Variants in CMC1 observed in about 807,000 individuals in gnomAD.
The protein encoded by CMC1 is COX assembly mitochondrial protein homolog.
A neutral mutation model predicts 14.1 loss-of-function variants in CMC1; 14 were observed. That is an observed-to-expected ratio of 0.99 (90% CI 0.66 to 1.55). The LOEUF (loss-of-function observed/expected upper bound fraction) is 1.55, where lower values mean the gene tolerates loss of function less well. CMC1 is among the 40% of genes most tolerant of loss of function. The pLI, the probability that CMC1 is intolerant of heterozygous loss-of-function variation, is 0.00. For synonymous variants in CMC1, 50 were observed against 38.4 expected (o/e 1.30, Z -1.12); for missense variants, 127 against 123.8 (o/e 1.03, Z -0.12).
intron 2 of CMC1, among the ~76,000 whole-genome samples, chr3:28,303,425 C>G (rs1702156149): frequency 6.6e-6 from 1 of 152,076 alleles, no homozygotes; most frequent in African/African-American, 2.4e-5. Flanking sequence ...AACTTATATT[C>G]TAATCAACTG....
chr3:28,276,229 T>A (rs141714850), intron 2 of CMC1, among the ~76,000 whole-genome samples: 189 of 152,246 alleles, frequency 1.2e-3, no homozygotes, highest in Middle Eastern at 6.8e-3. Flanking sequence ...CTGTTTCTAG[T>A]CAGCCATCTT....
intron 2 of CMC1, among the ~76,000 whole-genome samples, chr3:28,294,753 T>C (rs1577065097): frequency 6.6e-6 from 1 of 152,240 alleles, no homozygotes; most frequent in South Asian, 2.1e-4. Context: ...AGGAAATTTG[T>C]TTGTGTTCAT....
At chr3:28,246,209 A>G (rs1698821794) in intron 1 of CMC1, among the ~76,000 whole-genome samples, 1 of 152,128 alleles carries the variant, frequency 6.6e-6, no homozygotes, top group Non-Finnish European at 1.5e-5. Context: ...CCTAACATCT[A>G]CATTTTGTAT....
At chr3:28,289,922 CT>C (rs964297511) in intron 2 of CMC1, among the ~76,000 whole-genome samples, 6 of 152,056 alleles carry the variant, frequency 3.9e-5, no homozygotes, top group African/African-American at 1.4e-4. Flanking sequence ...ATATACACTA[CT>C]TTTTTAGTGG....
intron 1 of CMC1, among the ~76,000 whole-genome samples, chr3:28,260,555 G>GT (rs112698507): frequency 0.046 from 6,684 of 145,306 alleles, 462 homozygotes; most frequent in African/African-American, 0.15. Flanking sequence ...TAATTTCATT[G>GT]TTTTTTTTTT....
chr3:28,295,355 C>T (rs530988538), intron 2 of CMC1, among the ~76,000 whole-genome samples: 1 of 152,022 alleles, frequency 6.6e-6, no homozygotes, highest in African/African-American at 2.4e-5. Flanking sequence ...TTCTTCATGC[C>T]CATTTTCCTT....
At chr3:28,270,810 T>C (rs1346595814) in intron 2 of CMC1, among the ~76,000 whole-genome samples, 1 of 152,124 alleles carries the variant, frequency 6.6e-6, no homozygotes, top group Non-Finnish European at 1.5e-5. Context: ...GGCATTTTCG[T>C]CATGAAATTC....
intron 1 of CMC1, among the ~76,000 whole-genome samples, chr3:28,259,549 G>T (rs990891336): frequency 6.6e-6 from 1 of 152,050 alleles, no homozygotes; most frequent in Non-Finnish European, 1.5e-5. Context: ...AATCTTAGTC[G>T]AATTTCACCA....
chr3:28,305,026 C>T (rs1181450688), intron 2 of CMC1, among the ~76,000 whole-genome samples: 1 of 152,098 alleles, frequency 6.6e-6, no homozygotes, highest in Non-Finnish European at 1.5e-5. Context: ...TCTATTGAAC[C>T]GTCACCCAAA....
At chr3:28,280,896 C>A (rs762554215) in intron 2 of CMC1, among the ~76,000 whole-genome samples, 28 of 152,164 alleles carry the variant, frequency 1.8e-4, no homozygotes, top group Non-Finnish European at 2.6e-4. Context: ...TTTGGTCCAC[C>A]ACCTATCTCT....
chr3:28,324,618 C>G lies in CMC1; in HGVS notation c.*4989C>G. On this transcript the variant is annotated 3_prime_UTR_variant, in exon 4 of 4. Transcript: ENST00000466830. ...GACTAGGAGATAAATGACAGATGAT[C>G]TGAGTTTTAATCCTGGATCAGCAAT... 3.6e-6 allele frequency: 2 copies of G among 549,576 alleles called. No homozygotes were observed. The highest frequency in any genetic ancestry group is 4.4e-4 in the Middle Eastern group (1 of 2,298). 34.0% of individuals were successfully genotyped at this position (549,576 alleles called of 1,614,324 possible). A position where few individuals can be genotyped will look rare whatever the true frequency, so the allele number is the denominator to read the frequency against.
At chr3:28,298,481 A>G (rs1345680056) in intron 2 of CMC1, 1 of 149,056 alleles carries the variant, frequency 6.7e-6, no homozygotes, top group Non-Finnish European at 1.5e-5. Context: ...TACATATTAC[A>G]TATATAAAAT....
chr3:28,319,142 C>T, intron 3 of CMC1: 2 of 411,720 alleles, frequency 4.9e-6, no homozygotes, highest in South Asian at 3.5e-5. Flanking sequence ...GCAAGCATTT[C>T]CCCTTGAAAC....
chr3:28,308,830 A>G (rs940030540), intron 2 of CMC1, among the ~76,000 whole-genome samples: 4 of 152,094 alleles, frequency 2.6e-5, no homozygotes, highest in African/African-American at 7.2e-5. Context: ...TAAAATACAA[A>G]AAATTAGCCC....
chr3:28,270,063 A>G (rs1055564541), intron 2 of CMC1, among the ~76,000 whole-genome samples: 6 of 152,092 alleles, frequency 3.9e-5, no homozygotes, highest in Admixed American at 2.0e-4. Flanking sequence ...GCTGAGGATA[A>G]TGGCTTCCAG....
At chr3:28,247,094 G>T in intron 1 of CMC1, among the ~76,000 whole-genome samples, 1 of 152,102 alleles carries the variant, frequency 6.6e-6, no homozygotes, top group Non-Finnish European at 1.5e-5. Flanking sequence ...GCTAGCTTCT[G>T]GATCTTTGTC....
intron 2 of CMC1, among the ~76,000 whole-genome samples, chr3:28,308,283 G>A (rs926277504): frequency 6.6e-6 from 1 of 151,282 alleles, no homozygotes; most frequent in Non-Finnish European, 1.5e-5. Flanking sequence ...AAAAAAAAAA[G>A]AAAAGAAAAA....
chr3:28,322,879 T>C lies in CMC1; in HGVS notation c.*3250T>C, dbSNP rs1352584024. On this transcript the variant is annotated 3_prime_UTR_variant, in exon 4 of 4. Coordinates refer to ENST00000466830, the MANE Select transcript of CMC1 (RefSeq NM_182523.2). Reference sequence around the variant, plus strand: ...ATATGAAACTGTCTATCAAAAAGGATAAAAGTCCTCCTACATGAAATACTT... The same window carrying C: ...ATATGAAACTGTCTATCAAAAAGGACAAAAGTCCTCCTACATGAAATACTT... 2 of 151,166 alleles carry C rather than the reference T, an allele frequency of 1.3e-5. No individual in the cohort carries two copies. Among genetic ancestry groups the C allele is most frequent in the Non-Finnish European group, 3.0e-5 (2 of 67,384 alleles). 9.4% of individuals were successfully genotyped at this position (151,166 alleles called of 1,614,324 possible).
intron 2 of CMC1, among the ~76,000 whole-genome samples, chr3:28,306,908 A>G (rs1032998962): frequency 3.3e-5 from 5 of 152,298 alleles, no homozygotes; most frequent in African/African-American, 1.2e-4. Flanking sequence ...GGCCTCCCAG[A>G]GTGCTGGGAT....
Sources: allele counts gnomAD v4.1 joint callset (sites outside exome capture counted in the v4.1 genomes callset), GRCh38; gene constraint gnomAD v4.1.1; transcripts MANE v1.5; gene names NCBI Gene and HGNC (gene_info 2026-07-23, HGNC 2026-07-21).